The following ARB2A variants were observed in gnomAD, a reference collection of about 807,000 sequenced individuals.
The protein encoded by ARB2A is cotranscriptional regulator ARB2A.
At chr5:93,714,072 A>G in the ARB2A span, among the ~76,000 whole-genome samples, 23 of 152,318 alleles carry the variant, frequency 1.5e-4, no homozygotes, top group East Asian at 3.5e-3. Context: ...TTTTTTTGTA[A>G]TATGTGCCAA....
At chr5:93,786,383 G>A in the ARB2A span, among the ~76,000 whole-genome samples, 1 of 152,190 alleles carries the variant, frequency 6.6e-6, no homozygotes, top group Non-Finnish European at 1.5e-5. Context: ...GTTTCATACA[G>A]TGGAAGTGAT....
At chr5:93,782,006 G>A in the ARB2A span, 4 of 858,274 alleles carry the variant, frequency 4.7e-6, no homozygotes, top group Non-Finnish European at 5.6e-6. Flanking sequence ...CATCCTGAGA[G>A]TTTGGAAACA....
chr5:93,724,723 C>T, the ARB2A span, among the ~76,000 whole-genome samples: 4 of 152,022 alleles, frequency 2.6e-5, no homozygotes, highest in East Asian at 7.7e-4. Flanking sequence ...GTACCAAACC[C>T]TACATATACA....
chr5:94,085,879 A>T, the ARB2A span, among the ~76,000 whole-genome samples: 1 of 152,246 alleles, frequency 6.6e-6, no homozygotes, highest in East Asian at 1.9e-4. Flanking sequence ...ACCAAATCTT[A>T]GAACACTACA....
chr5:93,907,459 A>G, the ARB2A span, among the ~76,000 whole-genome samples: 1 of 151,422 alleles, frequency 6.6e-6, no homozygotes, highest in East Asian at 1.9e-4. Flanking sequence ...ACTCAACTGT[A>G]GTAGCATAAT....
chr5:93,881,456 G>A, the ARB2A span: 1 of 1,580,348 alleles, frequency 6.3e-7, no homozygotes, highest in Non-Finnish European at 8.7e-7. Flanking sequence ...AAGGAAAGTA[G>A]TGATCTCACT....
At chr5:93,720,374 C>T in the ARB2A span, among the ~76,000 whole-genome samples, 1 of 152,250 alleles carries the variant, frequency 6.6e-6, no homozygotes, top group African/African-American at 2.4e-5. Flanking sequence ...ACAATCAAAG[C>T]CTTTGTCATA....
chr5:93,629,184 C>T, the ARB2A span, among the ~76,000 whole-genome samples: 10 of 152,094 alleles, frequency 6.6e-5, no homozygotes, highest in African/African-American at 2.4e-4. Context: ...TAAGAGACGG[C>T]GGAATGGCCA....
chr5:94,021,303 G>A, the ARB2A span, among the ~76,000 whole-genome samples: 3 of 152,064 alleles, frequency 2.0e-5, no homozygotes, highest in African/African-American at 7.2e-5. Context: ...ACTGATTCTG[G>A]AGGCATCTGG....
the ARB2A span, among the ~76,000 whole-genome samples, chr5:93,692,153 C>A: frequency 6.6e-6 from 1 of 152,144 alleles, no homozygotes; most frequent in African/African-American, 2.4e-5. Flanking sequence ...ATCATAATGA[C>A]AGGCTCAAAT....
the ARB2A span, among the ~76,000 whole-genome samples, chr5:93,652,925 G>T: frequency 1.3e-5 from 2 of 152,186 alleles, no homozygotes; most frequent in East Asian, 1.9e-4. Flanking sequence ...GAACAAAAAT[G>T]AGAAAGAGCA....
At chr5:93,943,132 G>T in the ARB2A span, among the ~76,000 whole-genome samples, 1 of 151,996 alleles carries the variant, frequency 6.6e-6, no homozygotes, top group Admixed American at 6.6e-5. Context: ...AAATTCTTAC[G>T]AATGAAATTT....
the ARB2A span, among the ~76,000 whole-genome samples, chr5:94,055,078 T>C: frequency 6.6e-6 from 1 of 152,200 alleles, no homozygotes; most frequent in Non-Finnish European, 1.5e-5. Context: ...ATCTTTTAGG[T>C]TCATATTGTA....
the ARB2A span, among the ~76,000 whole-genome samples, chr5:94,036,080 G>A: frequency 6.6e-6 from 1 of 151,724 alleles, no homozygotes; most frequent in African/African-American, 2.4e-5. Flanking sequence ...TTTTTATCCC[G>A]AGGATATATC....
At chr5:93,797,914 T>C in the ARB2A span, among the ~76,000 whole-genome samples, 6,297 of 152,136 alleles carry the variant, frequency 0.041, 400 homozygotes, top group African/African-American at 0.14. Context: ...CATATATGTA[T>C]GAAAGGATGG....
At chr5:93,975,836 T>C in the ARB2A span, among the ~76,000 whole-genome samples, 2 of 152,140 alleles carry the variant, frequency 1.3e-5, no homozygotes, top group Non-Finnish European at 2.9e-5. Context: ...AGCTGAATTC[T>C]ACCAATTCTA....
chr5:93,967,003 A>T, the ARB2A span, among the ~76,000 whole-genome samples: 1 of 151,790 alleles, frequency 6.6e-6, no homozygotes, highest in African/African-American at 2.4e-5. Flanking sequence ...AGGGAGATAC[A>T]AGTTCAAGAT....
the ARB2A span, among the ~76,000 whole-genome samples, chr5:93,930,479 A>G: frequency 6.6e-6 from 1 of 152,224 alleles, no homozygotes; most frequent in African/African-American, 2.4e-5. Context: ...ACACAAGTAG[A>G]TAAAAAATAC....
At chr5:93,740,811 C>T in the ARB2A span, 10 of 1,613,590 alleles carry the variant, frequency 6.2e-6, no homozygotes, top group Non-Finnish European at 8.5e-6. Flanking sequence ...GAACCACATC[C>T]TTCTGCAGCT....
Sources: allele counts gnomAD v4.1 joint callset (sites outside exome capture counted in the v4.1 genomes callset), GRCh38; gene constraint gnomAD v4.1.1; transcripts MANE v1.5; gene names NCBI Gene and HGNC (gene_info 2026-07-23, HGNC 2026-07-21).